TASP1: variants seen among roughly 807,000 people sequenced by gnomAD.
TASP1 encodes taspase 1.
A neutral mutation model predicts 56.6 loss-of-function variants in TASP1; 16 were observed. The observed-to-expected ratio is 0.28, with a 90% CI of 0.19 to 0.43. The LOEUF (loss-of-function observed/expected upper bound fraction) is 0.43. Among genes scored for constraint, TASP1 ranks in the 20% least tolerant of loss-of-function variants. The probability of loss-of-function intolerance (pLI) is 1.00; values close to 1 mark genes in which losing one functional copy is unlikely to be tolerated. For synonymous variants in TASP1, 179 were observed against 184.2 expected, an observed-to-expected ratio of 0.97 and a Z score of 0.23; for missense variants, 393 against 511.6, an observed-to-expected ratio of 0.77 and a Z score of 2.24.
the TASP1 span, among the ~76,000 whole-genome samples, chr20:13,179,715 CA>C: frequency 2.6e-5 from 4 of 152,072 alleles, no homozygotes; most frequent in Non-Finnish European, 5.9e-5. Flanking sequence ...GCCCGTCACA[CA>C]GGGTCAATAT....
At chr20:13,332,459 C>T in the TASP1 span, among the ~76,000 whole-genome samples, 1 of 152,074 alleles carries the variant, frequency 6.6e-6, no homozygotes, top group Non-Finnish European at 1.5e-5. Flanking sequence ...TTATATTGTG[C>T]AATGCCAGTT....
At chr20:13,153,037 A>T in the TASP1 span, among the ~76,000 whole-genome samples, 1 of 152,212 alleles carries the variant, frequency 6.6e-6, no homozygotes, top group Non-Finnish European at 1.5e-5. Flanking sequence ...CAATAAGACG[A>T]AAGACTGTAG....
rs1463159663 is a variant in TASP1 at position 13,454,248 on chromosome 20, A to C, written c.986-19094T>G. ...ATCTTCAGAAATAAAATCTTTAGAG[A>C]ATGAATTGAAACTTGCTGCTCTGTG... On this transcript the variant is annotated intron_variant, in intron 11 of 13. Coordinates refer to ENST00000337743, the MANE Select transcript of TASP1 (RefSeq NM_017714.3). 3.2e-4 allele frequency among the ~76,000 whole-genome samples: 49 copies of C among 152,080 alleles called. 1 individual carries two copies. Among genetic ancestry groups the C allele is most frequent in the Admixed American group, 3.2e-3 (49 of 15,264 alleles).
the TASP1 span, among the ~76,000 whole-genome samples, chr20:13,181,255 G>A: frequency 6.6e-6 from 1 of 152,210 alleles, no homozygotes; most frequent in South Asian, 2.1e-4. Context: ...ATCTCAGAAT[G>A]TCCTTAGCAA....
the TASP1 span, among the ~76,000 whole-genome samples, chr20:13,211,619 T>G: frequency 1.3e-5 from 2 of 152,158 alleles, no homozygotes; most frequent in African/African-American, 4.8e-5. Context: ...TGTTTTAGAA[T>G]AGTTACTTTT....
chr20:13,501,590 A>G (rs1395714054), intron 10 of TASP1, among the ~76,000 whole-genome samples: 3 of 151,978 alleles, frequency 2.0e-5, no homozygotes, highest in African/African-American at 7.2e-5. Flanking sequence ...CAAAATATTT[A>G]CGGAGAAGAA....
the TASP1 span, among the ~76,000 whole-genome samples, chr20:13,285,768 G>A: frequency 6.6e-6 from 1 of 152,204 alleles, no homozygotes; most frequent in Non-Finnish European, 1.5e-5. Context: ...TAATAATTTA[G>A]ATCCAAGAAA....
At chr20:13,118,449 G>GA in the TASP1 span, among the ~76,000 whole-genome samples, 2,123 of 128,136 alleles carry the variant, frequency 0.017, 93 homozygotes, top group African/African-American at 0.062. Flanking sequence ...GAGGTTTGTG[G>GA]AAAAAAAAAA....
rs111458661 is a variant in TASP1, at chr20:13,472,420, G to A, written c.985+10807C>T. ...AGGCAATACCATTCAGGACATAGGC[G>A]TGGGCAAAGACTTCATGACTAAAAC... On this transcript the variant is annotated intron_variant, in intron 11 of 13. Coordinates refer to ENST00000337743, the MANE Select transcript of TASP1 (RefSeq NM_017714.3). Among the ~76,000 whole-genome samples, 83 of 150,956 alleles carry A rather than the reference G, an allele frequency of 5.5e-4. 6 individuals carry two copies. Among genetic ancestry groups the A allele is most frequent in the African/African-American group, 1.3e-3 (52 of 40,906 alleles).
chr20:13,293,006 C>A, the TASP1 span, among the ~76,000 whole-genome samples: 8 of 151,868 alleles, frequency 5.3e-5, no homozygotes. Context: ...ACCATCCTGA[C>A]TAACATGGTG....
chr20:13,462,373 G>C (rs1479194239), intron 11 of TASP1, among the ~76,000 whole-genome samples: 1 of 152,130 alleles, frequency 6.6e-6, no homozygotes, highest in African/African-American at 2.4e-5. Flanking sequence ...AGCCAGATGT[G>C]ACTAATGACT....
At chr20:13,239,508 A>G in the TASP1 span, 2 of 152,178 alleles carry the variant, frequency 1.3e-5, no homozygotes, top group Admixed American at 1.3e-4. Context: ...TGCCCCAAGA[A>G]CGTTCTGTGT....
intron 4 of TASP1, among the ~76,000 whole-genome samples, chr20:13,590,532 G>A (rs538806491): frequency 6.6e-6 from 1 of 152,060 alleles, no homozygotes; most frequent in Admixed American, 6.6e-5. Context: ...GTTCAGGTAG[G>A]TATATGAAAG....
intron 13 of TASP1, among the ~76,000 whole-genome samples, chr20:13,394,003 G>T (rs996614725): frequency 6.6e-6 from 1 of 152,064 alleles, no homozygotes; most frequent in East Asian, 1.9e-4. Context: ...TTTTTTGGAC[G>T]GGCGTGGTGG....
chr20:13,468,026 AAAAC>A (rs1284188527), intron 11 of TASP1, among the ~76,000 whole-genome samples: 1 of 141,010 alleles, frequency 7.1e-6, no homozygotes, highest in Non-Finnish European at 1.5e-5. Flanking sequence ...CAAAAAAACA[AAAAC>A]AAAAACAAAA....
chr20:13,221,805 T>G, the TASP1 span: 1 of 1,455,868 alleles, frequency 6.9e-7, no homozygotes, highest in South Asian at 1.3e-5. Context: ...GAGCTGCTGC[T>G]GCTGCTGGGG....
chr20:13,633,130 A>C (rs2049159785), intron 1 of TASP1, among the ~76,000 whole-genome samples: 1 of 152,204 alleles, frequency 6.6e-6, no homozygotes, highest in Admixed American at 6.5e-5. Context: ...GGAAGTGGTT[A>C]AAAATAAAAG....
chr20:13,404,729 C>T (rs112118390), intron 13 of TASP1, among the ~76,000 whole-genome samples: 2 of 152,312 alleles, frequency 1.3e-5, no homozygotes, highest in African/African-American at 4.8e-5. Context: ...TACATAATCA[C>T]ATTCAAAATG....
intron 4 of TASP1, among the ~76,000 whole-genome samples, chr20:13,590,055 G>T (rs974969343): frequency 1.3e-5 from 2 of 151,920 alleles, no homozygotes; most frequent in African/African-American, 4.8e-5. Flanking sequence ...AACATGGTGA[G>T]AACCTGTCTC....
Sources: gnomAD v4.1 joint callset for allele counts (sites outside exome capture counted in the v4.1 genomes callset) on GRCh38, gnomAD v4.1.1 for gene constraint, MANE v1.5 for transcripts, NCBI Gene and HGNC (gene_info 2026-07-23, HGNC 2026-07-21) for gene names.